ANKRD33B: variants seen among roughly 807,000 people sequenced by gnomAD.
ANKRD33B encodes the protein ankyrin repeat domain-containing protein 33B.
Under a neutral mutation model 21.5 loss-of-function variants are expected in ANKRD33B, and 6 were observed. The ratio of observed to expected loss-of-function variants is 0.28; its 90% CI spans 0.15 to 0.55. The LOEUF is 0.55. Among genes scored for constraint, ANKRD33B ranks in the 20% least tolerant of loss-of-function variants. The probability of loss-of-function intolerance (pLI) is 0.94; values close to 1 mark genes in which losing one functional copy is unlikely to be tolerated. For synonymous variants in ANKRD33B, 347 were observed against 342.4 expected, an observed-to-expected ratio of 1.01 and a Z score of -0.15; for missense variants, 698 against 747.2, an observed-to-expected ratio of 0.93 and a Z score of 0.77.
chr5:10,611,718 G>A (rs1478067306), intron 1 of ANKRD33B, among the ~76,000 whole-genome samples: 2 of 152,186 alleles, frequency 1.3e-5, no homozygotes, highest in Non-Finnish European at 2.9e-5. Context: ...AAAGGATCTG[G>A]TTCAAGATAC....
rs1424317327 is a variant in ANKRD33B at position 10,652,390 on chromosome 5, C to G, written c.*2277C>G. ...CGAGAGGACACCCATTCTGAGCTCC[C>G]ACAGAGGGCTCCACCTCCCCAAGAA... On this transcript the variant is annotated 3_prime_UTR_variant, in exon 4 of 4. Coordinates refer to ENST00000296657, the MANE Select transcript of ANKRD33B (RefSeq NM_001164440.2). This position sits in a 1 kb window ranked among gnomAD's most constrained non-coding sequence, Gnocchi z 4.1. 1.3e-5 allele frequency: 2 copies of G among 152,496 alleles called. No individual in the cohort carries two copies. The highest frequency in any genetic ancestry group is 2.9e-5 in the Non-Finnish European group (2 of 68,146). The allele number at this position is 152,496 out of a possible 1,614,324, so 9.4% of individuals were successfully genotyped here. A position where few individuals can be genotyped will look rare whatever the true frequency, so the allele number is the denominator to read the frequency against.
At chr5:10,582,558 G>T (rs1350849633) in intron 1 of ANKRD33B, among the ~76,000 whole-genome samples, 2 of 152,152 alleles carry the variant, frequency 1.3e-5, no homozygotes, top group African/African-American at 4.8e-5. Context: ...CAACAGCATT[G>T]TCTTTGGAAA....
intron 2 of ANKRD33B, among the ~76,000 whole-genome samples, chr5:10,630,266 C>T (rs553333363): frequency 4.6e-5 from 7 of 152,224 alleles, no homozygotes; most frequent in Non-Finnish European, 7.3e-5. Flanking sequence ...TGTTCTTGGG[C>T]ACTTCGGCTG....
At chr5:10,626,483 T>G (rs764586616) in intron 2 of ANKRD33B, among the ~76,000 whole-genome samples, 1 of 152,178 alleles carries the variant, frequency 6.6e-6, no homozygotes, top group Admixed American at 6.5e-5. Flanking sequence ...TTTCCCCAGC[T>G]CTCTTTTGAG....
At chr5:10,617,264 A>G (rs1736304718) in intron 1 of ANKRD33B, among the ~76,000 whole-genome samples, 1 of 152,100 alleles carries the variant, frequency 6.6e-6, no homozygotes, top group Admixed American at 6.5e-5. Flanking sequence ...GCTGCTATTC[A>G]TCTCTACCTG....
chr5:10,617,308 C>T (rs6870332), intron 1 of ANKRD33B, among the ~76,000 whole-genome samples: 139,819 of 152,234 alleles, frequency 0.92, 64,408 homozygotes, highest in Middle Eastern at 0.96. Context: ...GACAGTCTCC[C>T]ACAGTACACT....
rs371351350 is a variant in ANKRD33B at position 10,564,492 on chromosome 5, C to T, written c.25C>T (p.Pro9Ser). The change falls in exon 1 of 4, where the codon CCG (proline) becomes TCG (serine). Residue 9 changes from proline (P) to serine (S), a missense_variant. Around this residue, in one of 3 missense-constraint regions of ANKRD33B, gnomAD observed 148 missense variants for 154.9 expected, o/e 0.96. Coordinates refer to ENST00000296657, the MANE Select transcript of ANKRD33B (RefSeq NM_001164440.2). ...CATGGTGCTGCTGGCCGGGACCGGG[C>T]CGGAGGGCGGCGGGGCGCGCTGCAT... MVLLAGTGPEGGGARCMTP... is the reference protein window; with the variant it reads MVLLAGTGSEGGGARCMTP... 48 of 1,511,106 alleles carry T rather than the reference C, an allele frequency of 3.2e-5. No homozygotes were observed. The highest frequency in any genetic ancestry group is 1.0e-4 in the East Asian group (4 of 40,044). The allele number at this position is 1,511,106 out of a possible 1,614,324, so 93.6% of individuals were successfully genotyped here.
At chr5:10,636,141 C>T (rs1278651972) in intron 2 of ANKRD33B, among the ~76,000 whole-genome samples, 2 of 151,074 alleles carry the variant, frequency 1.3e-5, no homozygotes, top group South Asian at 2.1e-4. Flanking sequence ...GCCCAGGGCC[C>T]GGCTTCTCCA....
At chr5:10,645,730 A>G (rs959171953) in intron 3 of ANKRD33B, among the ~76,000 whole-genome samples, 2 of 152,194 alleles carry the variant, frequency 1.3e-5, no homozygotes, top group Admixed American at 6.5e-5. Context: ...AGCACCAACC[A>G]TGCTGGTCCC....
intron 1 of ANKRD33B, among the ~76,000 whole-genome samples, chr5:10,570,369 A>G (rs1365363618): frequency 1.3e-5 from 2 of 152,132 alleles, no homozygotes; most frequent in Admixed American, 1.3e-4. Flanking sequence ...GGCAAGACCA[A>G]AACAGTCTTA....
chr5:10,627,407 A>G (rs1736578781), intron 2 of ANKRD33B: 2 of 152,240 alleles, frequency 1.3e-5, no homozygotes, highest in African/African-American at 2.4e-5. Context: ...GGAACCTCTG[A>G]TGTGTGCTTG....
chr5:10,570,381 C>G (rs1735153838), intron 1 of ANKRD33B, among the ~76,000 whole-genome samples: 1 of 152,144 alleles, frequency 6.6e-6, no homozygotes, highest in Non-Finnish European at 1.5e-5. Flanking sequence ...ACAGTCTTAA[C>G]TGGGAGGACT....
intron 3 of ANKRD33B, among the ~76,000 whole-genome samples, chr5:10,642,264 C>T (rs575217385): frequency 6.6e-5 from 10 of 152,120 alleles, no homozygotes; most frequent in Non-Finnish European, 1.3e-4. Flanking sequence ...GATGAGTCTG[C>T]GGGCAGTGGG....
rs1386860835 is a variant in ANKRD33B, at chr5:10,649,815, C to T, written c.1187C>T (p.Pro396Leu). Residue 396 changes from proline to leucine, a missense_variant, in exon 4 of 4, where the codon CCC becomes CTC. Pro to Leu is a moderately conservative substitution (Grantham distance 98, BLOSUM62 -3). Around this residue, in one of 3 missense-constraint regions of ANKRD33B, gnomAD observed 543 missense variants for 566.5 expected, o/e 0.96. Coordinates refer to ENST00000296657, the MANE Select transcript of ANKRD33B (RefSeq NM_001164440.2). Reference protein sequence around the residue: ...GLPPALGSRGPAAPAPRKASL... With the variant: ...GLPPALGSRGLAAPAPRKASL... ...CCTCCCGCCCTGGGGTCCCGGGGCCCCGCAGCGCCCGCCCCGCGGAAGGCC... is the reference window on the plus strand; with the variant it reads ...CCTCCCGCCCTGGGGTCCCGGGGCCTCGCAGCGCCCGCCCCGCGGAAGGCC... The T allele has an allele frequency of 1.7e-5, 23 of 1,383,866 alleles. No individual in the cohort carries two copies. The highest frequency in any genetic ancestry group is 2.1e-5 in the Non-Finnish European group (23 of 1,074,140). 85.7% of individuals were successfully genotyped at this position (1,383,866 alleles called of 1,614,324 possible).
chr5:10,564,152 G>A lies in ANKRD33B; in HGVS notation c.-316G>A, dbSNP rs868307668. Among the ~76,000 whole-genome samples, 1 of 152,128 alleles carries A rather than the reference G, an allele frequency of 6.6e-6. No homozygotes were observed. The highest frequency in any genetic ancestry group is 1.5e-5 in the Non-Finnish European group (1 of 67,986). On this transcript the variant is annotated 5_prime_UTR_variant, in exon 1 of 4. Transcript: ENST00000296657. ...AGGTGCCCAGTCCCCGCGCTCGAGA[G>A]AGCGCCTGCCTGGCTCTGAACTCTG...
intron 2 of ANKRD33B, chr5:10,628,091 T>C (rs1479842395): frequency 1.3e-5 from 2 of 152,314 alleles, no homozygotes; most frequent in African/African-American, 4.8e-5. Flanking sequence ...ACTGGCCTGG[T>C]CTGGAGAACT....
chr5:10,614,467 C>G (rs553506500), intron 1 of ANKRD33B, among the ~76,000 whole-genome samples: 2 of 152,234 alleles, frequency 1.3e-5, no homozygotes, highest in African/African-American at 4.8e-5. Context: ...GATGCCATCT[C>G]ACTGTCTTGC....
At chr5:10,605,238 CTTGGAAGGCACACACCA>C (rs757392818) in intron 1 of ANKRD33B, among the ~76,000 whole-genome samples, 1 of 152,152 alleles carries the variant, frequency 6.6e-6, no homozygotes, top group Non-Finnish European at 1.5e-5. Flanking sequence ...AGGATCTGGC[CTTGGAAGGCACACACCA>C]TTACTCCTGC....
At chr5:10,581,031 G>A (rs962578402) in intron 1 of ANKRD33B, among the ~76,000 whole-genome samples, 3 of 152,166 alleles carry the variant, frequency 2.0e-5, no homozygotes, top group African/African-American at 7.2e-5. Context: ...CCAGCCTTGG[G>A]GTGGGCTGGT....
Sources: allele counts gnomAD v4.1 joint callset (sites outside exome capture counted in the v4.1 genomes callset), GRCh38; gene constraint gnomAD v4.1.1; regional missense constraint gnomAD v4.1.1; non-coding constraint Gnocchi (gnomAD v3.1); transcripts MANE v1.5; gene names NCBI Gene and HGNC (gene_info 2026-07-23, HGNC 2026-07-21).